Variants in ZFPM1 observed in about 807,000 individuals in gnomAD.
ZFPM1 encodes zinc finger protein ZFPM1.
Under a neutral mutation model 46.3 loss-of-function variants are expected in ZFPM1, and 28 were observed. That is an observed-to-expected ratio of 0.60 (90% CI 0.45 to 0.83). The LOEUF (loss-of-function observed/expected upper bound fraction) is 0.83, where lower values mean the gene tolerates loss of function less well. Among genes scored for constraint, ZFPM1 ranks in the 40% least tolerant of loss-of-function variants. ZFPM1 has a pLI of 0.00. For missense variants in ZFPM1, 1,878 were observed against 1,432.4 expected, an observed-to-expected ratio of 1.31 and a Z score of -5.02; for synonymous variants, 957 against 675.9, an observed-to-expected ratio of 1.42 and a Z score of -6.45.
chr16:88,533,615 C>A lies in ZFPM1; in HGVS notation c.1657C>A (p.Arg553=). 6.8e-7 allele frequency: 1 copy of A among 1,481,300 alleles called. No homozygotes were observed. The highest frequency in any genetic ancestry group is 1.3e-5 in the South Asian group (1 of 79,644). 91.8% of individuals were successfully genotyped at this position (1,481,300 alleles called of 1,614,324 possible). ...LAKMSELVHS[R]LQQGAGAGAG... ...CAAGATGTCCGAGCTGGTGCACAGC[C>A]GGCTGCAGCAGGGCGCGGGCGCGGG... The change falls in exon 10 of 10, where the codon CGG becomes AGG. Residue 553 remains arginine, a synonymous_variant. Coordinates refer to ENST00000319555, the MANE Select transcript of ZFPM1 (RefSeq NM_153813.3).
intron 1 of ZFPM1, among the ~76,000 whole-genome samples, chr16:88,463,553 C>T (rs2142345192): frequency 6.6e-6 from 1 of 152,396 alleles, no homozygotes; most frequent in Admixed American, 6.5e-5. Flanking sequence ...CGTGGCCTCA[C>T]GTCCTTCTCC....
In ZFPM1 at chr16:88,528,254, T is replaced by C; in HGVS notation, c.712+16T>C. On this transcript the variant is annotated intron_variant, in intron 6 of 9. Transcript: ENST00000319555. ...GTGATCAACAGTAAGTGCTGGGCTC[T>C]CCGCACCCAGGGCGGCTGCTCCACC... is the stretch of plus-strand genomic sequence containing the variant. 1 of 1,575,390 alleles carries C rather than the reference T, an allele frequency of 6.3e-7. No homozygotes were observed. The highest frequency in any genetic ancestry group is 1.3e-5 in the African/African-American group (1 of 74,228).
Position 88,479,222 on chromosome 16 carries a change from G to C in ZFPM1, c.41-6717G>C, listed in dbSNP as rs1005444060. Among the ~76,000 whole-genome samples the C allele has an allele frequency of 2.0e-5, 3 of 152,174 alleles. No individual in the cohort carries two copies. In the East Asian group the frequency reaches 5.8e-4, roughly 29 times the overall value. ...TCCCCACGCAGGTGGTGCTGGGCTG[G>C]TGTCGCCAGCAGACCCCACTTTGAT... On this transcript the variant is annotated intron_variant, in intron 1 of 9. Transcript: ENST00000319555.
chr16:88,494,239 G>A (rs545218501), intron 3 of ZFPM1, among the ~76,000 whole-genome samples: 10 of 152,240 alleles, frequency 6.6e-5, no homozygotes, highest in East Asian at 5.8e-4. Context: ...TCCCCTTTCC[G>A]CGGCCAAGAG....
intron 1 of ZFPM1, among the ~76,000 whole-genome samples, chr16:88,461,548 C>G (rs1256170012): frequency 1.3e-5 from 2 of 152,160 alleles, no homozygotes; most frequent in Non-Finnish European, 2.9e-5. Flanking sequence ...ATGAGAACAC[C>G]TCCTTCCCGG....
chr16:88,471,676 A>G lies in ZFPM1; in HGVS notation c.41-14263A>G, dbSNP rs1412060490. On this transcript the variant is annotated intron_variant, in intron 1 of 9. Coordinates refer to ENST00000319555, the MANE Select transcript of ZFPM1 (RefSeq NM_153813.3). This position sits in a 1 kb window ranked among gnomAD's most constrained non-coding sequence, Gnocchi z 4.1. ...TGACCGTGGCCGCGGTGGCTCCCAC[A>G]CACAGTGGAGGGGTCAGGGCTCCCG... is the stretch of plus-strand genomic sequence containing the variant. Among the ~76,000 whole-genome samples the G allele has an allele frequency of 2.0e-5, 3 of 152,088 alleles. No individual in the cohort carries two copies. In the East Asian group the frequency reaches 5.8e-4, roughly 29 times the overall value.
At chr16:88,506,660 C>T (rs888734344) in intron 3 of ZFPM1, among the ~76,000 whole-genome samples, 3 of 152,086 alleles carry the variant, frequency 2.0e-5, no homozygotes. Flanking sequence ...AACAGCAAAG[C>T]TGATCCATTT....
chr16:88,533,644 C>A lies in ZFPM1; in HGVS notation c.1686C>A (p.Ala562=). ...SRLQQGAGAG[A]GGAQTGLFPG... ...TGCAGCAGGGCGCGGGCGCGGGCGCCGGCGGCGCGCAGACCGGGCTCTTCC... is the reference window on the plus strand; with the variant it reads ...TGCAGCAGGGCGCGGGCGCGGGCGCAGGCGGCGCGCAGACCGGGCTCTTCC... The change falls in exon 10 of 10, where the codon GCC becomes GCA. Residue 562 remains alanine, a synonymous_variant. Coordinates refer to ENST00000319555, the MANE Select transcript of ZFPM1 (RefSeq NM_153813.3). 1.4e-6 allele frequency: 2 copies of A among 1,459,010 alleles called. No homozygotes were observed. Among genetic ancestry groups the A allele is most frequent in the Admixed American group, 2.6e-5 (1 of 37,996 alleles). The allele number at this position is 1,459,010 out of a possible 1,614,324, so 90.4% of individuals were successfully genotyped here.
chr16:88,494,157 G>A (rs971768649), intron 3 of ZFPM1, among the ~76,000 whole-genome samples: 3 of 152,098 alleles, frequency 2.0e-5, no homozygotes, highest in Middle Eastern at 3.2e-3. Context: ...GCCCCGGGGC[G>A]GCCTGGGTTA....
intron 1 of ZFPM1, 65 bp downstream of exon 1, chr16:88,453,743 C>A: frequency 2.0e-6 from 2 of 989,878 alleles, no homozygotes; most frequent in Non-Finnish European, 1.2e-6. Flanking sequence ...CAGCCGCCAG[C>A]GCCGCCCCCG....
At chr16:88,490,945 TCCTCAGGGACACCAG>T (rs1909530658) in intron 3 of ZFPM1, among the ~76,000 whole-genome samples, 1 of 152,004 alleles carries the variant, frequency 6.6e-6, no homozygotes, top group African/African-American at 2.4e-5. Context: ...GCGTCCCTTC[TCCTCAGGGACACCAG>T]GTGGGGAGCA....
At chr16:88,503,801 G>A (rs868566006) in intron 3 of ZFPM1, among the ~76,000 whole-genome samples, 12 of 152,168 alleles carry the variant, frequency 7.9e-5, no homozygotes, top group Admixed American at 3.9e-4. Flanking sequence ...CCCAGTTAGC[G>A]CCTCGGGCTG....
At position 88,499,414 on chromosome 16, in the gene ZFPM1, C is replaced by T. The variant is rs117454010; in HGVS notation, c.268+10261C>T. Among the ~76,000 whole-genome samples, 413 of 152,314 alleles carry T rather than the reference C, an allele frequency of 2.7e-3. 12 individuals carry two copies. The East Asian group carries it at 0.067, about 25-fold the overall frequency. On this transcript the variant is annotated intron_variant, in intron 3 of 9. Transcript: ENST00000319555. ...GAGAAGAGAGCAGTCGTGGGGGCCG[C>T]GCAGCGGGTGGGAGACGCAGGCCAG...
chr16:88,490,209 A>G (rs1016381901), intron 3 of ZFPM1, among the ~76,000 whole-genome samples: 2 of 152,136 alleles, frequency 1.3e-5, no homozygotes, highest in South Asian at 2.1e-4. Flanking sequence ...GCCTGCCACC[A>G]TGCCCGGCTA....
chr16:88,533,482 G>A lies in ZFPM1; in HGVS notation c.1524G>A (p.Thr508=), dbSNP rs1912974996. ...TCAAGGCCGAGCTGTCCAGCCCCAC[G>A]CCGGGCTCCAGCCCGGTGCCCGGCG... ...ARVKAELSSP[T]PGSSPVPGEL... The change falls in exon 10 of 10, where the codon ACG becomes ACA. Residue 508 remains threonine, a synonymous_variant. Coordinates refer to ENST00000319555, the MANE Select transcript of ZFPM1 (RefSeq NM_153813.3). 2 of 1,403,444 alleles carry A rather than the reference G, an allele frequency of 1.4e-6. No individual in the cohort carries two copies. The highest frequency in any genetic ancestry group is 3.4e-5 in the Admixed American group (1 of 29,842). The allele number at this position is 1,403,444 out of a possible 1,614,324, so 86.9% of individuals were successfully genotyped here.
Position 88,533,717 on chromosome 16 carries a change from A to G in ZFPM1, c.1759A>G (p.Ser587Gly). The part of the protein sequence containing the change: ...ATCFECEITF[S>G]NVNNYYVHKR... ...GTGCTTCGAGTGCGAGATCACCTTC[A>G]GCAACGTCAACAACTACTACGTGCA... is the stretch of plus-strand genomic sequence containing the variant. The change falls in exon 10 of 10, where the codon AGC becomes GGC. Residue 587 changes from serine to glycine, a missense_variant. By Grantham distance (56) the Ser-to-Gly change is moderately conservative. Transcript: ENST00000319555. The G allele has an allele frequency of 6.6e-7, 1 of 1,507,524 alleles. No homozygotes were observed. The highest frequency in any genetic ancestry group is 8.9e-7 in the Non-Finnish European group (1 of 1,122,004). 93.4% of individuals were successfully genotyped at this position (1,507,524 alleles called of 1,614,324 possible). A position where few individuals can be genotyped will look rare whatever the true frequency, so the allele number is the denominator to read the frequency against.
chr16:88,485,762 G>C (rs1008391572), intron 1 of ZFPM1, among the ~76,000 whole-genome samples, 177 bp from the exon 2 acceptor site: 4 of 152,266 alleles, frequency 2.6e-5, no homozygotes, highest in South Asian at 2.1e-4. Context: ...GGAACCCAGA[G>C]GGAGCCCCCA....
intron 1 of ZFPM1, among the ~76,000 whole-genome samples, chr16:88,474,529 C>A (rs1033295780): frequency 4.6e-5 from 7 of 152,070 alleles, no homozygotes; most frequent in African/African-American, 1.2e-4. Context: ...TGCCTCCCCG[C>A]CACCCGCCTC....
chr16:88,536,933 C>T lies in ZFPM1; in HGVS notation c.*1954C>T, dbSNP rs1913268667. 6.6e-6 allele frequency: 1 copy of T among 152,220 alleles called. No homozygotes were observed. Among genetic ancestry groups the T allele is most frequent in the African/African-American group, 2.4e-5 (1 of 41,426 alleles). 9.4% of individuals were successfully genotyped at this position (152,220 alleles called of 1,614,324 possible). ...CCCAAGTCCTCCCCAGGTGCGGGCG[C>T]AGGGTACAAGATGTTCTAAAAAATA... On this transcript the variant is annotated 3_prime_UTR_variant, in exon 10 of 10. Coordinates refer to ENST00000319555, the MANE Select transcript of ZFPM1 (RefSeq NM_153813.3).
Sources: allele counts gnomAD v4.1 joint callset (sites outside exome capture counted in the v4.1 genomes callset), GRCh38; gene constraint gnomAD v4.1.1; non-coding constraint Gnocchi (gnomAD v3.1); transcripts MANE v1.5; gene names NCBI Gene and HGNC (gene_info 2026-07-23, HGNC 2026-07-21).